ZFHX3: variants seen among roughly 807,000 people sequenced by gnomAD.
ZFHX3 encodes the protein zinc finger homeobox protein 3.
In ZFHX3, 42 loss-of-function variants were observed where a neutral mutation model predicts 279.1. That is an observed-to-expected ratio of 0.15 (90% CI 0.12 to 0.19). The LOEUF (loss-of-function observed/expected upper bound fraction) is 0.19. ZFHX3 is among the 10% of genes least tolerant of loss of function. The pLI is 1.00. For missense variants in ZFHX3, 4,981 were observed against 4,754.0 expected (o/e 1.05, Z -1.40); for synonymous variants, 2,293 against 1,957.8 (o/e 1.17, Z -4.52).
chr16:73,658,384 C>T (rs558815626), intron 2 of ZFHX3, among the ~76,000 whole-genome samples: 1 of 152,322 alleles, frequency 6.6e-6, no homozygotes, highest in East Asian at 1.9e-4. Flanking sequence ...CAGCTCACCA[C>T]AACCTCTGCT....
intron 8 of ZFHX3, among the ~76,000 whole-genome samples, chr16:73,085,985 C>CAAAAAAAAAAAAAAAAAAAAAAAACAA (rs57128744): frequency 1.8e-5 from 1 of 54,228 alleles, no homozygotes; most frequent in African/African-American, 6.1e-5. Flanking sequence ...AACTCAATTG[C>CAAAAAAAAAAAAAAAAAAAAAAAACAA]AAAAAAAAAA....
chr16:73,129,842 C>A (rs1185335937), intron 7 of ZFHX3, among the ~76,000 whole-genome samples: 2 of 151,986 alleles, frequency 1.3e-5, no homozygotes, highest in East Asian at 3.9e-4. Flanking sequence ...GTACTTAACG[C>A]TTAGCAATTT....
chr16:73,834,187 G>T (rs1173952074), intron 1 of ZFHX3, among the ~76,000 whole-genome samples: 1 of 152,130 alleles, frequency 6.6e-6, no homozygotes, highest in Non-Finnish European at 1.5e-5. Flanking sequence ...TTCACTTCCT[G>T]TCCCAGGAAA....
intron 3 of ZFHX3, among the ~76,000 whole-genome samples, chr16:73,451,237 C>T (rs2018277788): frequency 1.3e-5 from 2 of 152,204 alleles, no homozygotes; most frequent in Admixed American, 6.5e-5. Context: ...TCAGCTTACA[C>T]TAGGGGATAT....
At position 72,800,584 on chromosome 16, in the gene ZFHX3, C is replaced by T. The variant is rs186634390; in HGVS notation, c.3865-455G>A. On this transcript the variant is annotated intron_variant, in intron 7 of 9. Coordinates refer to ENST00000268489, the MANE Select transcript of ZFHX3 (RefSeq NM_006885.4). ...TGTAGTACTGTTTTCAGAACGTATTCAGGCAAGAGGAGGAGGGGAGTAAGA... is the reference window on the plus strand; with the variant it reads ...TGTAGTACTGTTTTCAGAACGTATTTAGGCAAGAGGAGGAGGGGAGTAAGA... Among the ~76,000 whole-genome samples, 404 of 152,142 alleles carry T rather than the reference C, an allele frequency of 2.7e-3. 3 individuals carry two copies. Among genetic ancestry groups the T allele is most frequent in the Middle Eastern group, 3.4e-3 (1 of 294 alleles).
intron 1 of ZFHX3, among the ~76,000 whole-genome samples, chr16:73,720,758 G>A (rs565309565): frequency 8.5e-4 from 130 of 152,220 alleles, no homozygotes; most frequent in African/African-American, 2.9e-3. Context: ...TCTACAGTGA[G>A]CCATTTCTTT....
chr16:73,707,189 C>A (rs2053313226), intron 1 of ZFHX3, among the ~76,000 whole-genome samples: 1 of 152,114 alleles, frequency 6.6e-6, no homozygotes, highest in Admixed American at 6.5e-5. Context: ...TTTGCTCTTT[C>A]CCTGTGATTT....
chr16:73,574,459 G>A (rs2051778255), intron 2 of ZFHX3, among the ~76,000 whole-genome samples: 1 of 152,088 alleles, frequency 6.6e-6, no homozygotes. Context: ...GCCCATCTCT[G>A]GATTGTACTT....
At chr16:73,096,467 A>G (rs1966165303) in intron 7 of ZFHX3, among the ~76,000 whole-genome samples, 2 of 151,162 alleles carry the variant, frequency 1.3e-5, no homozygotes, top group South Asian at 4.2e-4. Flanking sequence ...CAGTGATGCG[A>G]TCTCAGCTCA....
chr16:72,932,119 T>G lies in ZFHX3; in HGVS notation c.3216+18350A>C, dbSNP rs551648402. 9.2e-5 allele frequency among the ~76,000 whole-genome samples: 14 copies of G among 152,318 alleles called. No homozygotes were observed. The South Asian group carries it at 1.0e-3, about 11-fold the overall frequency. ...GAGTATAGTTCCCCTGAGTGTCCTG[T>G]GTACTCTATGCCAGTTTCCAAGCCT... On this transcript the variant is annotated intron_variant, in intron 3 of 9. Coordinates refer to ENST00000268489, the MANE Select transcript of ZFHX3 (RefSeq NM_006885.4).
intron 5 of ZFHX3, among the ~76,000 whole-genome samples, chr16:73,217,329 G>A (rs1044678718): frequency 7.2e-5 from 11 of 152,126 alleles, no homozygotes; most frequent in African/African-American, 2.4e-4. Flanking sequence ...GAACATGACC[G>A]TCCGATTTGA....
At chr16:73,684,592 A>G (rs1208317612) in intron 1 of ZFHX3, among the ~76,000 whole-genome samples, 1 of 152,172 alleles carries the variant, frequency 6.6e-6, no homozygotes, top group Non-Finnish European at 1.5e-5. Context: ...CATGGCAAAG[A>G]GGATTTAAGG....
chr16:73,715,338 G>T (rs1005968998), intron 1 of ZFHX3, among the ~76,000 whole-genome samples: 1 of 152,152 alleles, frequency 6.6e-6, no homozygotes, highest in Non-Finnish European at 1.5e-5. Flanking sequence ...AACAGACCCA[G>T]TTGACCGTCT....
At chr16:73,173,019 T>G (rs1046994934) in intron 5 of ZFHX3, among the ~76,000 whole-genome samples, 3 of 109,578 alleles carry the variant, frequency 2.7e-5, no homozygotes, top group South Asian at 2.7e-4. Context: ...TTTTTTTTTT[T>G]TTTTTTTGGG....
At chr16:73,529,002 C>A (rs540215534) in intron 2 of ZFHX3, among the ~76,000 whole-genome samples, 2 of 152,112 alleles carry the variant, frequency 1.3e-5, no homozygotes, top group African/African-American at 4.8e-5. Context: ...TAGGGGTTTC[C>A]TTGAGGACAA....
chr16:73,345,565 T>C (rs1259908716), intron 3 of ZFHX3, among the ~76,000 whole-genome samples: 3 of 152,204 alleles, frequency 2.0e-5, no homozygotes, highest in Non-Finnish European at 2.9e-5. Context: ...TGCGAGGACA[T>C]GATCTCGTTC....
At chr16:73,544,868 C>T (rs967074704) in intron 2 of ZFHX3, among the ~76,000 whole-genome samples, 1 of 152,140 alleles carries the variant, frequency 6.6e-6, no homozygotes, top group Admixed American at 6.5e-5. Flanking sequence ...AAAACATTTG[C>T]CTTTGGAGAG....
chr16:72,859,545 A>G (rs1470789174), intron 4 of ZFHX3, among the ~76,000 whole-genome samples: 1 of 152,202 alleles, frequency 6.6e-6, no homozygotes, highest in Non-Finnish European at 1.5e-5. Context: ...ATAAGGCCCC[A>G]CTTTTTTCTG....
At chr16:73,502,703 T>C (rs147982918) in intron 2 of ZFHX3, among the ~76,000 whole-genome samples, 27 of 152,276 alleles carry the variant, frequency 1.8e-4, no homozygotes, top group African/African-American at 6.0e-4. Flanking sequence ...GAGCAATGGA[T>C]ATCAGCCGCT....
Sources: allele counts gnomAD v4.1 joint callset (sites outside exome capture counted in the v4.1 genomes callset), GRCh38; gene constraint gnomAD v4.1.1; transcripts MANE v1.5; gene names NCBI Gene and HGNC (gene_info 2026-07-23, HGNC 2026-07-21).